The following JPH2 variants were observed in gnomAD, a reference collection of about 807,000 sequenced individuals.
JPH2 encodes junctophilin 2.
In JPH2, 38 loss-of-function variants were observed where a neutral mutation model predicts 55.9. That is an observed-to-expected ratio of 0.68 (90% CI 0.52 to 0.89). JPH2 has a LOEUF of 0.89. JPH2 is among the 40% of genes least tolerant of loss of function. The pLI, the probability that JPH2 is intolerant of heterozygous loss-of-function variation, is 0.00. For synonymous variants in JPH2, 480 were observed against 472.4 expected (o/e 1.02, Z -0.21); for missense variants, 964 against 1,037.6 (o/e 0.93, Z 0.97).
At chr20:44,126,139 AGAGGGAGG>A (rs745435456) in intron 2 of JPH2, among the ~76,000 whole-genome samples, 17 of 37,616 alleles carry the variant, frequency 4.5e-4, no homozygotes, top group Admixed American at 1.4e-3. Context: ...AGAAAAAGAG[AGAGGGAGG>A]GAGGGAGGGA....
chr20:44,107,445 A>G lies in JPH2; in HGVS notation c.*6073T>C, dbSNP rs1405711600. Among the ~76,000 whole-genome samples, 1 of 152,212 alleles carries G rather than the reference A, an allele frequency of 6.6e-6. No homozygotes were observed. Among genetic ancestry groups the G allele is most frequent in the Non-Finnish European group, 1.5e-5 (1 of 68,034 alleles). On this transcript the variant is annotated 3_prime_UTR_variant, in exon 6 of 6. Coordinates refer to ENST00000372980, the MANE Select transcript of JPH2 (RefSeq NM_020433.5). ...GAGGCCAAACAACTGAGCTCTGGCT[A>G]GTGGAATATGAGCAGAAGTGATGTG...
chr20:44,160,558 GTGTT>G lies in JPH2; in HGVS notation c.380-155_380-152del, dbSNP rs1288255294. On this transcript the variant is annotated intron_variant, in intron 1 of 5. Transcript: ENST00000372980. This position sits in a 1 kb window ranked among gnomAD's most constrained non-coding sequence, Gnocchi z 4.9. Reference sequence around the variant, plus strand: ...AGGGTCAGGGTGCACAGTGCTATGAGTGTTTGAGTCTACTCGAGTGTGCAATAAC... The same window carrying G: ...AGGGTCAGGGTGCACAGTGCTATGAGTGAGTCTACTCGAGTGTGCAATAAC... 6 of 784,090 alleles carry G rather than the reference GTGTT, an allele frequency of 7.7e-6. No individual in the cohort carries two copies. The highest frequency in any genetic ancestry group is 1.5e-5 in the South Asian group (1 of 66,812). The allele number at this position is 784,090 out of a possible 1,614,324, so 48.6% of individuals were successfully genotyped here.
intron 1 of JPH2, among the ~76,000 whole-genome samples, chr20:44,182,842 T>A (rs1260755887): frequency 6.6e-6 from 1 of 152,236 alleles, no homozygotes; most frequent in East Asian, 1.9e-4. Context: ...CCCTAAAACT[T>A]GCTGTAAAGC....
chr20:44,139,149 T>C (rs867046259), intron 2 of JPH2, among the ~76,000 whole-genome samples: 10 of 152,062 alleles, frequency 6.6e-5, no homozygotes, highest in Admixed American at 1.3e-4. Flanking sequence ...CCGGCTTTTT[T>C]CCCCCCAAGG....
At chr20:44,149,963 G>GAAA (rs67234498) in intron 2 of JPH2, among the ~76,000 whole-genome samples, 35 of 11,424 alleles carry the variant, frequency 3.1e-3, no homozygotes, top group African/African-American at 0.012. Flanking sequence ...GGCGACAGAG[G>GAAA]AAAAAAAAAA....
intron 2 of JPH2, among the ~76,000 whole-genome samples, chr20:44,157,286 C>T (rs1298765209): frequency 6.6e-6 from 1 of 152,156 alleles, no homozygotes; most frequent in Non-Finnish European, 1.5e-5. Flanking sequence ...CTAGTCAAGC[C>T]TCCTTCTGGA....
chr20:44,120,985 C>A (rs1047568826), intron 2 of JPH2, among the ~76,000 whole-genome samples: 1 of 152,136 alleles, frequency 6.6e-6, no homozygotes, highest in Admixed American at 6.5e-5. Context: ...GGCTAGTAAA[C>A]AGACACAAAA....
chr20:44,155,554 G>A (rs1394034283), intron 2 of JPH2, among the ~76,000 whole-genome samples: 2 of 152,202 alleles, frequency 1.3e-5, no homozygotes, highest in Non-Finnish European at 2.9e-5. Context: ...CCTCTTGAGT[G>A]TGGGCTGCAC....
At chr20:44,170,258 A>C (rs1460346259) in intron 1 of JPH2, among the ~76,000 whole-genome samples, 1 of 152,148 alleles carries the variant, frequency 6.6e-6, no homozygotes, top group East Asian at 1.9e-4. Context: ...TCCTTCAGGG[A>C]ACCACCTTCC....
At chr20:44,161,725 G>C (rs1015741322) in intron 1 of JPH2, among the ~76,000 whole-genome samples, 1 of 152,120 alleles carries the variant, frequency 6.6e-6, no homozygotes, top group African/African-American at 2.4e-5. Flanking sequence ...CTGATACACA[G>C]CTGCCAAAAT....
At chr20:44,123,462 C>T (rs530718983) in intron 2 of JPH2, among the ~76,000 whole-genome samples, 4 of 152,346 alleles carry the variant, frequency 2.6e-5, no homozygotes, top group East Asian at 3.9e-4. Flanking sequence ...CACCCGTGGC[C>T]TCACCCCTTG....
At chr20:44,136,158 T>G (rs913471068) in intron 2 of JPH2, among the ~76,000 whole-genome samples, 5 of 152,154 alleles carry the variant, frequency 3.3e-5, no homozygotes, top group Non-Finnish European at 5.9e-5. Context: ...CACAAAAATG[T>G]GATCATGTAC....
rs766430798 is a variant in JPH2, at chr20:44,119,668, TG to T, written c.1170-1046del. Among the ~76,000 whole-genome samples, 18 of 152,176 alleles carry T rather than the reference TG, an allele frequency of 1.2e-4. No homozygotes were observed. The East Asian group carries it at 3.5e-3, about 29-fold the overall frequency. ...GCAGGCGGATCACGAGGTCAGGAGA[TG>T]GAGACCATCCTGGCTAACATGGTGA... On this transcript the variant is annotated intron_variant, in intron 2 of 5. Coordinates refer to ENST00000372980, the MANE Select transcript of JPH2 (RefSeq NM_020433.5).
chr20:44,116,353 T>A lies in JPH2; in HGVS notation c.1322A>T (p.Glu441Val). The A allele has an allele frequency of 6.5e-7, 1 of 1,547,564 alleles. No homozygotes were observed. The highest frequency in any genetic ancestry group is 1.4e-5 in the African/African-American group (1 of 73,064). The part of the protein sequence containing the change: ...PEYQKRRLLQ[E>V]ILENSESLLE... ...CAGGCTCTCCGAGTTCTCCAGGATCTCCTGCAGCAGCCGGCGCTTCTGATA... is the reference window on the plus strand; with the variant it reads ...CAGGCTCTCCGAGTTCTCCAGGATCACCTGCAGCAGCCGGCGCTTCTGATA... Residue 441 changes from glutamate (E) to valine (V), a missense_variant, in exon 4 of 6, where the codon GAG becomes GTG. Coordinates refer to ENST00000372980, the MANE Select transcript of JPH2 (RefSeq NM_020433.5).
chr20:44,158,992 G>A (rs2072584518), intron 2 of JPH2, among the ~76,000 whole-genome samples: 1 of 152,180 alleles, frequency 6.6e-6, no homozygotes, highest in South Asian at 2.1e-4. Context: ...TGGGTAGTTG[G>A]ACGGGTGGTT....
rs2072157918 is a variant in JPH2, at chr20:44,113,022, AG to A, written c.*495del. On this transcript the variant is annotated 3_prime_UTR_variant, in exon 6 of 6. Coordinates refer to ENST00000372980, the MANE Select transcript of JPH2 (RefSeq NM_020433.5). ...AAGGACAGGTCTCTGTGCTGGTCTG[AG>A]GGGGTCTCAACACCCACCCCACCCA... 1 of 152,086 alleles carries A rather than the reference AG, an allele frequency of 6.6e-6. No homozygotes were observed. Among genetic ancestry groups the A allele is most frequent in the Non-Finnish European group, 1.5e-5 (1 of 68,032 alleles). 9.4% of individuals were successfully genotyped at this position (152,086 alleles called of 1,614,324 possible). A position where few individuals can be genotyped will look rare whatever the true frequency, so the allele number is the denominator to read the frequency against.
In JPH2 at chr20:44,186,668, G is replaced by A. The variant is rs1403299005; in HGVS notation, c.38C>T (p.Ala13Val). ...TCCCCCCTCCCAGCCCCCGCAGTAC[G>A]CCCCTCCATCATCAAAGTCGAAGCG... ...GGRFDFDDGGAYCGGWEGGKA... is the reference protein window; with the variant it reads ...GGRFDFDDGGVYCGGWEGGKA... The change falls in exon 1 of 6, where the codon GCG (alanine) becomes GTG (valine). Residue 13 changes from alanine to valine, a missense_variant. By Grantham distance (64) the Ala-to-Val change is moderately conservative. Transcript: ENST00000372980. 10 of 1,578,460 alleles carry A rather than the reference G, an allele frequency of 6.3e-6. No individual in the cohort carries two copies. The highest frequency in any genetic ancestry group is 8.6e-6 in the Non-Finnish European group (10 of 1,166,430).
chr20:44,159,964 C>G lies in JPH2; in HGVS notation c.823G>C (p.Glu275Gln), dbSNP rs760374920. The G allele has an allele frequency of 6.2e-7, 1 of 1,600,088 alleles. No individual in the cohort carries two copies. The highest frequency in any genetic ancestry group is 8.5e-7 in the Non-Finnish European group (1 of 1,176,246). ...SLGEAAEGADEAAPFEADIDA... is the reference protein window; with the variant it reads ...SLGEAAEGADQAAPFEADIDA... ...ATATCGGCCTCGAAGGGTGCGGCCT[C>G]GTCGGCGCCCTCGGCGGCCTCTCCC... is the stretch of plus-strand genomic sequence containing the variant. Residue 275 changes from glutamate to glutamine, a missense_variant, in exon 2 of 6, where the codon GAG becomes CAG. By Grantham distance (29) the Glu-to-Gln change is conservative. Coordinates refer to ENST00000372980, the MANE Select transcript of JPH2 (RefSeq NM_020433.5). This position sits in a 1 kb window ranked among gnomAD's most constrained non-coding sequence, Gnocchi z 5.7.
At chr20:44,119,176 A>G (rs762701862) in intron 2 of JPH2, among the ~76,000 whole-genome samples, 2 of 152,230 alleles carry the variant, frequency 1.3e-5, no homozygotes, top group Non-Finnish European at 1.5e-5. Context: ...ATAATAATCT[A>G]TATCTTTATA....
Sources: gnomAD v4.1 joint callset for allele counts (sites outside exome capture counted in the v4.1 genomes callset) on GRCh38, gnomAD v4.1.1 for gene constraint, Gnocchi (gnomAD v3.1) non-coding constraint, MANE v1.5 for transcripts, NCBI Gene and HGNC (gene_info 2026-07-23, HGNC 2026-07-21) for gene names.